The following TRPA1 variants were observed in gnomAD, a reference collection of about 807,000 sequenced individuals.
The protein encoded by TRPA1 is ankyrin-like with transmembrane domains 1.
Under a neutral mutation model 131.3 loss-of-function variants are expected in TRPA1, and 129 were observed. The ratio of observed to expected loss-of-function variants is 0.98; its 90% CI spans 0.85 to 1.14. TRPA1 has a LOEUF of 1.14. Among genes scored for constraint, TRPA1 ranks in the 50% most tolerant of loss-of-function variants. The pLI, the probability that TRPA1 is intolerant of heterozygous loss-of-function variation, is 0.00. For synonymous variants in TRPA1, 441 were observed against 451.7 expected (o/e 0.98, Z 0.30); for missense variants, 1,304 against 1,354.2 (o/e 0.96, Z 0.58).
rs1383920404 is a variant in TRPA1 at position 72,021,444 on chromosome 8, A to AT, written c.*1461dup. On this transcript the variant is annotated 3_prime_UTR_variant, in exon 27 of 27. Transcript: ENST00000262209. ...CTTTGGATATTGCTTCTGTATAGTGATTTTCCACCCTTTCTGTTTTAAGAA... is the reference window on the plus strand; with the variant it reads ...CTTTGGATATTGCTTCTGTATAGTGATTTTTCCACCCTTTCTGTTTTAAGAA... The AT allele has an allele frequency of 1.3e-5, 2 of 152,098 alleles. No homozygotes were observed. The highest frequency in any genetic ancestry group is 2.4e-5 in the African/African-American group (1 of 41,398). 9.4% of individuals were successfully genotyped at this position (152,098 alleles called of 1,614,324 possible).
At chr8:72,023,268 G>T in intron 26 of TRPA1, 152 bp from the exon 27 acceptor site, 1 of 760,904 alleles carries the variant, frequency 1.3e-6, no homozygotes, top group Non-Finnish European at 2.2e-6. Flanking sequence ...CAGGAAACAT[G>T]TATTTTTGAA....
At chr8:72,025,016 C>A (rs182164387) in intron 25 of TRPA1, among the ~76,000 whole-genome samples, 2 of 152,008 alleles carry the variant, frequency 1.3e-5, no homozygotes, top group African/African-American at 4.8e-5. Context: ...CTTCATATGG[C>A]CCTTCTTCCA....
rs753166752 is a variant in TRPA1 at position 72,038,904 on chromosome 8, G to A, written c.2256C>T (p.Ile752=). The A allele has an allele frequency of 6.8e-6, 11 of 1,612,716 alleles. No homozygotes were observed. In the South Asian group the frequency reaches 1.2e-4, roughly 18 times the overall value. The stretch of plus-strand genomic sequence containing the variant: ...TTTCTGAATGATCACTAGTTTCATT[G>A]ATGATGCCAGTTGAGTTGAAAGCCA... ...PGMAFNSTGI[I]NETSDHSEIL... The change falls in exon 19 of 27, where the codon ATC becomes ATT. Residue 752 remains isoleucine, a synonymous_variant. Transcript: ENST00000262209.
chr8:72,065,744 T>C (rs975494235), intron 3 of TRPA1, among the ~76,000 whole-genome samples, 186 bp from the exon 4 acceptor site: 5 of 152,214 alleles, frequency 3.3e-5, no homozygotes, highest in African/African-American at 7.2e-5. Flanking sequence ...CCCCATTAGA[T>C]GAAATAATCA....
rs576681467 is a variant in TRPA1 at position 72,054,333 on chromosome 8, T to C, written c.1530-466A>G. The stretch of plus-strand genomic sequence containing the variant: ...AGTAATATGATACATGGCTATAAGA[T>C]GCTTAGCTTAGTGTCAGTTATTATT... On this transcript the variant is annotated intron_variant, in intron 12 of 26. Coordinates refer to ENST00000262209, the MANE Select transcript of TRPA1 (RefSeq NM_007332.3). 1.7e-5 allele frequency: 3 copies of C among 171,592 alleles called. No homozygotes were observed. In the Admixed American group the frequency reaches 1.8e-4, roughly 10 times the overall value. 10.6% of individuals were successfully genotyped at this position (171,592 alleles called of 1,614,324 possible).
chr8:72,034,488 C>A, intron 21 of TRPA1, 111 bp from the exon 22 acceptor site: 1 of 611,434 alleles, frequency 1.6e-6, no homozygotes, highest in Admixed American at 3.6e-5. Flanking sequence ...CAGATGAGAT[C>A]ACTGAGGCCA....
chr8:72,089,003 T>G, the TRPA1 span, among the ~76,000 whole-genome samples: 30,742 of 152,154 alleles, frequency 0.2, 3,791 homozygotes, highest in Non-Finnish European at 0.26. Flanking sequence ...AAAGGAAATC[T>G]TGCTAAGAGT....
At chr8:72,083,499 C>T in the TRPA1 span, among the ~76,000 whole-genome samples, 4 of 152,104 alleles carry the variant, frequency 2.6e-5, no homozygotes, top group East Asian at 5.8e-4. Flanking sequence ...CTTTGGGAGG[C>T]CGAGGCGGGT....
At chr8:72,048,491 C>A (rs950114763) in intron 15 of TRPA1, among the ~76,000 whole-genome samples, 6 of 152,116 alleles carry the variant, frequency 3.9e-5, no homozygotes, top group East Asian at 1.9e-4. Context: ...TCACAACAAC[C>A]ATCATGAAAA....
chr8:72,037,873 G>A (rs1428437086), intron 20 of TRPA1, 110 bp downstream of exon 20: 2 of 715,792 alleles, frequency 2.8e-6, no homozygotes, highest in Non-Finnish European at 5.1e-6. Context: ...TGGTAGTCAA[G>A]CTATGTAATT....
intron 3 of TRPA1, among the ~76,000 whole-genome samples, chr8:72,066,711 T>A (rs920828): frequency 0.69 from 104,488 of 152,144 alleles, 36,843 homozygotes; most frequent in East Asian, 0.98. Flanking sequence ...GAAACTCTAG[T>A]TTCACATGGA....
intron 10 of TRPA1, 40 bp downstream of exon 10, chr8:72,056,877 A>C: frequency 7.3e-7 from 1 of 1,375,836 alleles, no homozygotes; most frequent in Non-Finnish European, 1.0e-6. Flanking sequence ...TTTTCTGTTG[A>C]ACCCAACTCA....
chr8:72,039,221 G>A (rs754239778), intron 18 of TRPA1, among the ~76,000 whole-genome samples, 194 bp from the exon 19 acceptor site: 9 of 151,852 alleles, frequency 5.9e-5, no homozygotes, highest in Admixed American at 1.3e-4. Context: ...AGCAAATTAC[G>A]ACTTAACAAA....
At chr8:72,038,742 A>G in intron 19 of TRPA1, 123 bp downstream of exon 19, 1 of 848,116 alleles carries the variant, frequency 1.2e-6, no homozygotes, top group Non-Finnish European at 1.8e-6. Context: ...TACTGTATAC[A>G]AATTCTTACA....
intron 1 of TRPA1, among the ~76,000 whole-genome samples, chr8:72,074,025 C>A (rs998201972): frequency 3.3e-5 from 5 of 152,202 alleles, no homozygotes; most frequent in African/African-American, 7.2e-5. Flanking sequence ...ATTCCTGCAA[C>A]CTGCTTAGAG....
intron 7 of TRPA1, among the ~76,000 whole-genome samples, chr8:72,059,722 G>A (rs904571319): frequency 3.9e-5 from 6 of 152,130 alleles, no homozygotes; most frequent in Admixed American, 3.3e-4. Flanking sequence ...TGTTTGAAGT[G>A]AGTAGTAACG....
At chr8:72,029,680 T>C (rs901400886) in intron 24 of TRPA1, 2 of 639,650 alleles carry the variant, frequency 3.1e-6, no homozygotes, top group African/African-American at 3.6e-5. Flanking sequence ...GCTAGCAGTA[T>C]GTGGTATTCT....
chr8:72,084,964 T>G, the TRPA1 span, among the ~76,000 whole-genome samples: 1 of 152,184 alleles, frequency 6.6e-6, no homozygotes, highest in Non-Finnish European at 1.5e-5. Context: ...TAAAATTTTA[T>G]TTGAGAATCA....
At chr8:72,067,493 T>C (rs916414768) in intron 3 of TRPA1, among the ~76,000 whole-genome samples, 3 of 152,178 alleles carry the variant, frequency 2.0e-5, no homozygotes. Context: ...GGGAGCTTTA[T>C]TTTCCATTTC....
Sources: allele counts gnomAD v4.1 joint callset (sites outside exome capture counted in the v4.1 genomes callset), GRCh38; gene constraint gnomAD v4.1.1; transcripts MANE v1.5; gene names NCBI Gene and HGNC (gene_info 2026-07-23, HGNC 2026-07-21).